Variants in ADAMTS10 observed in about 807,000 individuals in gnomAD.
ADAMTS10 encodes the protein A disintegrin and metalloproteinase with thrombospondin motifs 10.
A neutral mutation model predicts 135.9 loss-of-function variants in ADAMTS10; 48 were observed. The ratio of observed to expected loss-of-function variants is 0.35; its 90% CI spans 0.28 to 0.45. ADAMTS10 has a LOEUF of 0.45. Among genes scored for constraint, ADAMTS10 ranks in the 20% least tolerant of loss-of-function variants. The probability of loss-of-function intolerance (pLI) is 1.00; values close to 1 mark genes in which losing one functional copy is unlikely to be tolerated. For missense variants in ADAMTS10, 1,131 were observed against 1,565.2 expected (o/e 0.72, Z 4.68); for synonymous variants, 621 against 647.5 (o/e 0.96, Z 0.62).
At chr19:8,610,426 C>CACACAT (rs2042768523) in intron 1 of ADAMTS10, among the ~76,000 whole-genome samples, 1 of 150,810 alleles carries the variant, frequency 6.6e-6, no homozygotes, top group Non-Finnish European at 1.5e-5. Context: ...TGGACGGACA[C>CACACAT]ACACACACAC....
chr19:8,604,001 CTT>C (rs36044688), intron 4 of ADAMTS10, 117 bp from the exon 5 acceptor site: 7,337 of 810,636 alleles, frequency 9.1e-3, no homozygotes, highest in South Asian at 0.017. Context: ...TTTGCTATTT[CTT>C]TTTTTTTTTT....
chr19:8,581,860 C>CAAAAA (rs71286209), intron 25 of ADAMTS10, among the ~76,000 whole-genome samples: 1 of 127,654 alleles, frequency 7.8e-6, no homozygotes, highest in Non-Finnish European at 1.7e-5. Context: ...AACAAAAAAA[C>CAAAAA]AAAAAAAAAA....
At chr19:8,600,454 C>G (rs1348814388) in intron 6 of ADAMTS10, among the ~76,000 whole-genome samples, 1 of 143,382 alleles carries the variant, frequency 7.0e-6, no homozygotes, top group Admixed American at 7.1e-5. Context: ...CTTCCTCTCT[C>G]TTTCTTTCTT....
At chr19:8,606,488 G>A (rs2042723762) in intron 2 of ADAMTS10, among the ~76,000 whole-genome samples, 1 of 152,032 alleles carries the variant, frequency 6.6e-6, no homozygotes, top group African/African-American at 2.4e-5. Flanking sequence ...TGCAACCCCC[G>A]CCTCCCGGGT....
chr19:8,600,500 C>CTTTTTTT (rs797035354), intron 6 of ADAMTS10, among the ~76,000 whole-genome samples: 11 of 129,820 alleles, frequency 8.5e-5, no homozygotes, highest in East Asian at 5.9e-4. Context: ...TCTTTCTTTT[C>CTTTTTTT]TTTTTTTTTT....
rs1279364517 is a variant in ADAMTS10, at chr19:8,605,970, C to A, written c.-99-161G>T. Among the ~76,000 whole-genome samples, 1 of 152,232 alleles carries A rather than the reference C, an allele frequency of 6.6e-6. No homozygotes were observed. The highest frequency in any genetic ancestry group is 1.5e-5 in the Non-Finnish European group (1 of 68,040). Reference sequence around the variant, plus strand: ...CTCCCCACCTCCCCTTCCAATCCTTCCTACACTCCTACAAGAGGACAGACA... The same window carrying A: ...CTCCCCACCTCCCCTTCCAATCCTTACTACACTCCTACAAGAGGACAGACA... On this transcript the variant is annotated intron_variant, in intron 2 of 25. Coordinates refer to ENST00000597188, the MANE Select transcript of ADAMTS10 (RefSeq NM_030957.4). The surrounding 1 kb of genome is among the most constrained non-coding windows in gnomAD (Gnocchi z 7.7).
At chr19:8,590,448 ATTAT>A (rs543968321) in intron 15 of ADAMTS10, among the ~76,000 whole-genome samples, 4 of 141,954 alleles carry the variant, frequency 2.8e-5, no homozygotes, top group African/African-American at 1.1e-4. Context: ...TAATTTTTGC[ATTAT>A]TTATTTATTT....
In ADAMTS10 at chr19:8,587,800, G is replaced by C. The variant is rs1367237573; in HGVS notation, c.2159-904C>G. ...CAAAAAATTAGCCAGGCGTGGTGGC[G>C]GGCTCCTGTAGTCCCAGCTACTTGG... On this transcript the variant is annotated intron_variant, in intron 18 of 25. Coordinates refer to ENST00000597188, the MANE Select transcript of ADAMTS10 (RefSeq NM_030957.4). 2.0e-5 allele frequency among the ~76,000 whole-genome samples: 3 copies of C among 151,572 alleles called. No homozygotes were observed. In the South Asian group the frequency reaches 6.3e-4, roughly 32 times the overall value.
In ADAMTS10 at chr19:8,603,723, T is replaced by C. The variant is rs782033050; in HGVS notation, c.592+5A>G. On this transcript the variant is annotated splice_donor_5th_base_variant and intron_variant, in intron 5 of 25. Transcript: ENST00000597188. ...CTCTGCCCATCCCCAGAAAGACCGA[T>C]GTACCTCTCACTCCACAGGCTGTGT... The C allele has an allele frequency of 3.1e-6, 5 of 1,614,022 alleles. No individual in the cohort carries two copies. The highest frequency in any genetic ancestry group is 2.7e-5 in the African/African-American group (2 of 74,928).
chr19:8,601,110 G>A lies in ADAMTS10; in HGVS notation c.628C>T (p.Arg210Trp), dbSNP rs199972750. The change falls in exon 6 of 26, where the codon CGG becomes TGG. Residue 210 changes from arginine (R) to tryptophan (W), a missense_variant. Arg to Trp is a moderately radical substitution (Grantham distance 101, BLOSUM62 -3). Coordinates refer to ENST00000597188, the MANE Select transcript of ADAMTS10 (RefSeq NM_030957.4). This position sits in a 1 kb window ranked among gnomAD's most constrained non-coding sequence, Gnocchi z 4.6. ...CTGGCAGGCGGTGGCTTCAAGGTCC[G>A]CAGCCACCATGGCCGCCCTTTCCAC... ...KPWKGRPWWL[R>W]TLKPPPARPL... The A allele has an allele frequency of 3.9e-5, 63 of 1,613,870 alleles. No homozygotes were observed. The East Asian group carries it at 5.6e-4, about 14-fold the overall frequency.
In ADAMTS10 at chr19:8,598,482, G is replaced by A. The variant is rs527456398; in HGVS notation, c.811-1165C>T. Among the ~76,000 whole-genome samples, 76 of 151,974 alleles carry A rather than the reference G, an allele frequency of 5.0e-4. 1 individual carries two copies. The highest frequency in any genetic ancestry group is 1.8e-3 in the African/African-American group (74 of 41,442). On this transcript the variant is annotated intron_variant, in intron 6 of 25. Transcript: ENST00000597188. ...GAAAGGAGGAAGCAGCCCCAGGGAT[G>A]AGCTGGCACAGAAGACAGAGGCCAG...
intron 4 of ADAMTS10, among the ~76,000 whole-genome samples, chr19:8,604,273 G>T (rs2042696645): frequency 6.6e-6 from 1 of 150,928 alleles, no homozygotes; most frequent in East Asian, 1.9e-4. Context: ...ATGTTGCCCA[G>T]GCTGGTCTCG....
chr19:8,588,417 T>C (rs576529412), intron 18 of ADAMTS10, among the ~76,000 whole-genome samples: 10 of 151,936 alleles, frequency 6.6e-5, no homozygotes, highest in African/African-American at 2.2e-4. Flanking sequence ...GGCTGCTTAT[T>C]ATAAAACCCC....
Position 8,603,940 on chromosome 19 carries a change from A to ACC in ADAMTS10, c.436-58_436-57dup. 15 of 1,496,758 alleles carry ACC rather than the reference A, an allele frequency of 1.0e-5. No homozygotes were observed. The South Asian group carries it at 1.7e-4, about 17-fold the overall frequency. The allele number at this position is 1,496,758 out of a possible 1,614,324, so 92.7% of individuals were successfully genotyped here. On this transcript the variant is annotated intron_variant, in intron 4 of 25. Transcript: ENST00000597188. ...TCAGGATCAGGTTCTGGAGCTTAGG[A>ACC]CCCCTGGGACCTTCTCTCTGTCTTT...
rs965874905 is a variant in ADAMTS10, at chr19:8,586,264, G to A, written c.2531-13C>T. 3.7e-6 allele frequency: 6 copies of A among 1,613,098 alleles called. No homozygotes were observed. Among genetic ancestry groups the A allele is most frequent in the Non-Finnish European group, 5.1e-6 (6 of 1,179,822 alleles). On this transcript the variant is annotated splice_polypyrimidine_tract_variant and intron_variant, in intron 21 of 25. Coordinates refer to ENST00000597188, the MANE Select transcript of ADAMTS10 (RefSeq NM_030957.4). ...TGCACCTGGCTACCTGGAGGGGAGG[G>A]TGAGAGGCCTGCTCAGCCCCTCCCG...
chr19:8,586,916 T>G lies in ADAMTS10; in HGVS notation c.2159-20A>C, dbSNP rs781861707. On this transcript the variant is annotated intron_variant, in intron 18 of 25. Coordinates refer to ENST00000597188, the MANE Select transcript of ADAMTS10 (RefSeq NM_030957.4). ...CGTACCCTGAACAGCAGAGCTCAGATGTCACCCACTTGGCATGTCCCCAAC... is the reference window on the plus strand; with the variant it reads ...CGTACCCTGAACAGCAGAGCTCAGAGGTCACCCACTTGGCATGTCCCCAAC... 3 of 1,614,058 alleles carry G rather than the reference T, an allele frequency of 1.9e-6. No individual in the cohort carries two copies. Among genetic ancestry groups the G allele is most frequent in the Non-Finnish European group, 2.5e-6 (3 of 1,179,912 alleles).
At chr19:8,591,042 C>A (rs1004816607) in intron 15 of ADAMTS10, among the ~76,000 whole-genome samples, 1 of 152,172 alleles carries the variant, frequency 6.6e-6, no homozygotes, top group Non-Finnish European at 1.5e-5. Flanking sequence ...ACACCCCCTC[C>A]CCAGTAAACT....
chr19:8,588,123 C>A (rs1555737803), intron 18 of ADAMTS10, among the ~76,000 whole-genome samples: 1 of 152,002 alleles, frequency 6.6e-6, no homozygotes, highest in African/African-American at 2.4e-5. Flanking sequence ...TAGTGCATGT[C>A]TGTAGTCTCA....
In ADAMTS10 at chr19:8,596,290, G is replaced by T. The variant is rs782261641; in HGVS notation, c.1190+17C>A. On this transcript the variant is annotated intron_variant, in intron 10 of 25. Coordinates refer to ENST00000597188, the MANE Select transcript of ADAMTS10 (RefSeq NM_030957.4). This position sits in a 1 kb window ranked among gnomAD's most constrained non-coding sequence, Gnocchi z 7.2. ...CAGCTCCTCCCCTCCTCCCCCTCTT[G>T]TGTGCCCTGGCCTCACGTGTGCCCG... 4 of 1,612,830 alleles carry T rather than the reference G, an allele frequency of 2.5e-6. No individual in the cohort carries two copies. In the Admixed American group the frequency reaches 6.7e-5, roughly 27 times the overall value.
Sources: allele counts gnomAD v4.1 joint callset (sites outside exome capture counted in the v4.1 genomes callset), GRCh38; gene constraint gnomAD v4.1.1; non-coding constraint Gnocchi (gnomAD v3.1); transcripts MANE v1.5; gene names NCBI Gene and HGNC (gene_info 2026-07-23, HGNC 2026-07-21).